The following CCDC178 variants were observed in gnomAD, a reference collection of about 807,000 sequenced individuals.
CCDC178 encodes coiled-coil domain-containing protein 178.
CCDC178 carries 126 observed loss-of-function variants against 117.4 expected under a neutral mutation model. That is an observed-to-expected ratio of 1.07 (90% confidence interval 0.93 to 1.24). The LOEUF is 1.24. CCDC178 is among the 50% of genes most tolerant of loss of function. The pLI is 0.00. For missense variants in CCDC178, 1,030 were observed against 986.9 expected, an observed-to-expected ratio of 1.04 and a Z score of -0.59; for synonymous variants, 283 against 313.4, an observed-to-expected ratio of 0.90 and a Z score of 1.02.
intron 14 of CCDC178, among the ~76,000 whole-genome samples, chr18:33,259,328 C>T (rs895666154): frequency 4.6e-5 from 7 of 152,124 alleles, no homozygotes; most frequent in Admixed American, 3.3e-4. Flanking sequence ...TCTTGCATTT[C>T]TTACTGTACT....
intron 20 of CCDC178, among the ~76,000 whole-genome samples, chr18:33,175,867 T>A (rs1314113326): frequency 6.6e-6 from 1 of 152,210 alleles, no homozygotes; most frequent in Non-Finnish European, 1.5e-5. Context: ...CTTCTACAAC[T>A]GCCTTCCATC....
chr18:32,975,598 CTTATA>C (rs1259999777), intron 21 of CCDC178, among the ~76,000 whole-genome samples: 2 of 151,886 alleles, frequency 1.3e-5, no homozygotes, highest in East Asian at 1.9e-4. Context: ...ATAATGAATG[CTTATA>C]TTATATATTT....
chr18:33,431,697 T>G (rs2064221973), intron 2 of CCDC178, among the ~76,000 whole-genome samples: 1 of 152,280 alleles, frequency 6.6e-6, no homozygotes, highest in Admixed American at 6.5e-5. Context: ...TGCACCCTCC[T>G]CCACCCCAAA....
intron 21 of CCDC178, among the ~76,000 whole-genome samples, chr18:33,081,669 TA>T (rs1211734414): frequency 6.6e-6 from 1 of 152,196 alleles, no homozygotes; most frequent in African/African-American, 2.4e-5. Context: ...TTCTTTAAAA[TA>T]TTTTTTTCTT....
At chr18:33,024,634 A>T (rs1039822481) in intron 21 of CCDC178, among the ~76,000 whole-genome samples, 5 of 151,720 alleles carry the variant, frequency 3.3e-5, no homozygotes, top group Admixed American at 2.6e-4. Context: ...ACACTTATTT[A>T]TTATTATTAT....
At chr18:32,954,869 A>G (rs2054560577) in intron 22 of CCDC178, among the ~76,000 whole-genome samples, 1 of 152,146 alleles carries the variant, frequency 6.6e-6, no homozygotes. Flanking sequence ...GCCAGGATTC[A>G]TGGAAAGGTA....
rs1568059526 is a variant in CCDC178, at chr18:33,211,979, C to A, written c.2155G>T (p.Asp719Tyr). The A allele has an allele frequency of 6.2e-7, 1 of 1,609,412 alleles. No individual in the cohort carries two copies. The highest frequency in any genetic ancestry group is 8.5e-7 in the Non-Finnish European group (1 of 1,177,258). The part of the protein sequence containing the change: ...VFDHYMQEKK[D>Y]CEERIFEEDQ... ...TCCTCAAAGATTCTCTCTTCACAGT[C>A]TTTTTTCTCTTGCATATAATGATCA... The change falls in exon 20 of 23, where the codon GAC becomes TAC. Residue 719 changes from aspartate to tyrosine, a missense_variant. Transcript: ENST00000383096.
chr18:33,346,142 T>C, intron 9 of CCDC178, 69 bp downstream of exon 9: 2 of 1,223,572 alleles, frequency 1.6e-6, no homozygotes, highest in Non-Finnish European at 2.3e-6. Context: ...TTTAAAAATA[T>C]ACAGACCTGT....
chr18:33,343,228 T>C (rs1341376835), intron 9 of CCDC178, among the ~76,000 whole-genome samples: 2 of 152,286 alleles, frequency 1.3e-5, no homozygotes, highest in East Asian at 1.9e-4. Context: ...CTGAGGAGCC[T>C]GAGTCACAAG....
intron 18 of CCDC178, among the ~76,000 whole-genome samples, chr18:33,218,416 A>G (rs2059193361): frequency 3.3e-5 from 5 of 152,018 alleles, no homozygotes. Flanking sequence ...GTTCACTCTG[A>G]TGGTAGTTTC....
At chr18:33,186,662 C>T (rs954228398) in intron 20 of CCDC178, among the ~76,000 whole-genome samples, 3 of 151,996 alleles carry the variant, frequency 2.0e-5, no homozygotes, top group East Asian at 1.9e-4. Flanking sequence ...TCTTTCAGCG[C>T]ATCCTCGTGA....
chr18:33,128,768 C>A (rs1297742384), intron 20 of CCDC178, among the ~76,000 whole-genome samples: 1 of 152,148 alleles, frequency 6.6e-6, no homozygotes, highest in Non-Finnish European at 1.5e-5. Flanking sequence ...TTACCCCGCA[C>A]CAGGAACTGC....
chr18:33,197,988 T>C (rs1324959778), intron 20 of CCDC178, among the ~76,000 whole-genome samples: 3 of 152,200 alleles, frequency 2.0e-5, no homozygotes, highest in Non-Finnish European at 4.4e-5. Flanking sequence ...CAAACTGTTA[T>C]TATTATCATG....
chr18:33,399,071 G>T (rs1291488780), intron 3 of CCDC178, among the ~76,000 whole-genome samples: 1 of 152,130 alleles, frequency 6.6e-6, no homozygotes, highest in Non-Finnish European at 1.5e-5. Context: ...GTGGTGGCAG[G>T]CGCCTGTAGT....
At chr18:33,149,253 G>A (rs2058312455) in intron 20 of CCDC178, among the ~76,000 whole-genome samples, 1 of 152,134 alleles carries the variant, frequency 6.6e-6, no homozygotes, top group African/African-American at 2.4e-5. Context: ...AGGGTTTTCT[G>A]GAAGCCAGAA....
chr18:32,941,023 A>C (rs1227731976), intron 22 of CCDC178, among the ~76,000 whole-genome samples: 2 of 152,046 alleles, frequency 1.3e-5, no homozygotes. Flanking sequence ...GACATGTGAA[A>C]GGACAATGGG....
intron 7 of CCDC178, among the ~76,000 whole-genome samples, chr18:33,354,498 T>A (rs1030515142): frequency 6.6e-6 from 1 of 152,138 alleles, no homozygotes; most frequent in African/African-American, 2.4e-5. Context: ...GACTAGATAA[T>A]CTCTATTAAC....
intron 6 of CCDC178, among the ~76,000 whole-genome samples, chr18:33,367,563 T>C (rs1456849818): frequency 6.6e-6 from 1 of 152,022 alleles, no homozygotes; most frequent in African/African-American, 2.4e-5. Context: ...TTTTTCCATG[T>C]GATAATGGGA....
intron 20 of CCDC178, among the ~76,000 whole-genome samples, chr18:33,118,821 T>C (rs1375169218): frequency 1.3e-5 from 2 of 152,282 alleles, no homozygotes; most frequent in Middle Eastern, 3.4e-3. Context: ...CAAAACAGCA[T>C]GGTACTGGTA....
Sources: allele counts gnomAD v4.1 joint callset (sites outside exome capture counted in the v4.1 genomes callset), GRCh38; gene constraint gnomAD v4.1.1; transcripts MANE v1.5; gene names NCBI Gene and HGNC (gene_info 2026-07-23, HGNC 2026-07-21).